Variants in PLCE1 observed in about 807,000 individuals in gnomAD.
PLCE1 encodes 1-phosphatidylinositol 4,5-bisphosphate phosphodiesterase epsilon-1.
A neutral mutation model predicts 242.8 loss-of-function variants in PLCE1; 119 were observed. The ratio of observed to expected loss-of-function variants is 0.49; its 90% CI spans 0.42 to 0.57. The LOEUF is 0.57. PLCE1 is among the 20% of genes least tolerant of loss of function. The pLI is 0.00. For missense variants in PLCE1, 2,441 were observed against 2,788.8 expected (o/e 0.88, Z 2.81); for synonymous variants, 945 against 1,017.4 (o/e 0.93, Z 1.35).
chr10:94,061,079 G>A (rs2044043284), intron 2 of PLCE1, among the ~76,000 whole-genome samples: 1 of 152,130 alleles, frequency 6.6e-6, no homozygotes, highest in African/African-American at 2.4e-5. Flanking sequence ...CTGCCTCCCA[G>A]GGGTTCAGCG....
At chr10:94,214,419 C>T (rs1218673319) in intron 4 of PLCE1, among the ~76,000 whole-genome samples, 2 of 152,180 alleles carry the variant, frequency 1.3e-5, no homozygotes, top group Non-Finnish European at 2.9e-5. Flanking sequence ...TATTCCCTTA[C>T]GAGTTTCATT....
chr10:94,203,741 G>A (rs557928430), intron 4 of PLCE1, among the ~76,000 whole-genome samples: 1 of 152,306 alleles, frequency 6.6e-6, no homozygotes, highest in East Asian at 1.9e-4. Flanking sequence ...CCAACCTTGT[G>A]CATTGATGAT....
Position 94,041,370 on chromosome 10 carries a change from A to G in PLCE1, c.1206+9118A>G, listed in dbSNP as rs1043051808. Among the ~76,000 whole-genome samples, 4 of 152,016 alleles carry G rather than the reference A, an allele frequency of 2.6e-5. No individual in the cohort carries two copies. In the East Asian group the frequency reaches 7.7e-4, roughly 29 times the overall value. On this transcript the variant is annotated intron_variant, in intron 2 of 32. Transcript: ENST00000371380. The stretch of plus-strand genomic sequence containing the variant: ...AGTTCTTTTGTGCAATACCTGTAGG[A>G]CGGAATCAGGATTTTCCATTGAAAT...
At chr10:94,297,682 G>A (rs2052889939) in intron 23 of PLCE1, among the ~76,000 whole-genome samples, 1 of 145,788 alleles carries the variant, frequency 6.9e-6, no homozygotes, top group African/African-American at 2.5e-5. Context: ...AGGTATGCCT[G>A]TATAACCAAA....
intron 2 of PLCE1, among the ~76,000 whole-genome samples, chr10:94,123,488 C>T (rs191798353): frequency 2.0e-5 from 3 of 152,364 alleles, no homozygotes; most frequent in Admixed American, 6.5e-5. Flanking sequence ...ATTCTCTGCA[C>T]AGGCATTTGA....
chr10:94,284,698 GA>G, intron 21 of PLCE1, 149 bp from the exon 22 acceptor site: 1 of 624,874 alleles, frequency 1.6e-6, no homozygotes, highest in South Asian at 2.0e-5. Flanking sequence ...TTTACTCTAG[GA>G]AAGCTGTTGG....
At chr10:94,016,912 G>C (rs1440471731) in intron 1 of PLCE1, among the ~76,000 whole-genome samples, 1 of 152,094 alleles carries the variant, frequency 6.6e-6, no homozygotes, top group Non-Finnish European at 1.5e-5. Context: ...AATCACAACT[G>C]ATATTTGAAA....
At position 94,198,355 on chromosome 10, in the gene PLCE1, A is replaced by G. The variant is rs140706529; in HGVS notation, c.1809+26859A>G. Among the ~76,000 whole-genome samples, 810 of 152,332 alleles carry G rather than the reference A, an allele frequency of 5.3e-3. 5 individuals carry two copies. Among genetic ancestry groups the G allele is most frequent in the Non-Finnish European group, 6.7e-3 (459 of 68,032 alleles). The stretch of plus-strand genomic sequence containing the variant: ...CTCAATTCCTGCTTCTACTTGGCAA[A>G]TATGAATAAGTTGCTTAGTAGGTAA... On this transcript the variant is annotated intron_variant, in intron 4 of 32. Coordinates refer to ENST00000371380, the MANE Select transcript of PLCE1 (RefSeq NM_016341.4).
In PLCE1 at chr10:94,132,410, T is replaced by A; in HGVS notation, c.1443T>A (p.Ser481Arg). ...LEATTSLGAR[S>R]GLLSTFGGST... is the part of the protein sequence containing the mutation. ...CAACCACGTCTTTGGGAGCAAGAAG[T>A]GGCCTTCTCAGTACTTTTGGAGGAT... Residue 481 changes from serine to arginine, a missense_variant, in exon 3 of 33, where the codon AGT becomes AGA. Physicochemically the swap from Ser to Arg is moderately radical, Grantham distance 110. Coordinates refer to ENST00000371380, the MANE Select transcript of PLCE1 (RefSeq NM_016341.4). The A allele has an allele frequency of 1.2e-6, 2 of 1,614,136 alleles. No homozygotes were observed. The highest frequency in any genetic ancestry group is 1.7e-6 in the Non-Finnish European group (2 of 1,180,018).
At chr10:94,114,368 T>C (rs1443148420) in intron 2 of PLCE1, among the ~76,000 whole-genome samples, 2 of 152,154 alleles carry the variant, frequency 1.3e-5, no homozygotes, top group African/African-American at 4.8e-5. Flanking sequence ...GGGAGGGACA[T>C]TGGAGACTGT....
At chr10:94,229,055 G>A (rs888374367) in intron 5 of PLCE1, among the ~76,000 whole-genome samples, 8 of 151,982 alleles carry the variant, frequency 5.3e-5, no homozygotes, top group Non-Finnish European at 8.8e-5. Context: ...GGTGGCAGGC[G>A]CCTGTAATCC....
intron 4 of PLCE1, among the ~76,000 whole-genome samples, chr10:94,223,064 G>A (rs2049809947): frequency 6.6e-6 from 1 of 151,994 alleles, no homozygotes; most frequent in Admixed American, 6.6e-5. Flanking sequence ...TGATGGCATG[G>A]TCTCAGGGCA....
intron 3 of PLCE1, chr10:94,137,721 C>T: frequency 5.9e-6 from 1 of 170,842 alleles, no homozygotes; most frequent in Non-Finnish European, 1.2e-5. Context: ...AGACATCTGC[C>T]ATCTTTCTGA....
chr10:94,111,688 C>T (rs534969694), intron 2 of PLCE1, among the ~76,000 whole-genome samples: 1 of 152,282 alleles, frequency 6.6e-6, no homozygotes, highest in Non-Finnish European at 1.5e-5. Flanking sequence ...GAAGCCAAAC[C>T]AGTTTTCCTA....
chr10:94,250,693 G>A (rs2050845248), intron 8 of PLCE1, among the ~76,000 whole-genome samples: 1 of 152,112 alleles, frequency 6.6e-6, no homozygotes, highest in South Asian at 2.1e-4. Flanking sequence ...ACCCATGTTG[G>A]GATGTTCTGA....
chr10:94,149,621 G>T (rs2047213446), intron 3 of PLCE1, among the ~76,000 whole-genome samples: 1 of 152,146 alleles, frequency 6.6e-6, no homozygotes, highest in Non-Finnish European at 1.5e-5. Flanking sequence ...CTGGGTTCTA[G>T]TTCTGGCTAT....
intron 2 of PLCE1, among the ~76,000 whole-genome samples, chr10:94,051,941 C>T (rs1232238406): frequency 6.6e-6 from 1 of 152,212 alleles, no homozygotes; most frequent in Non-Finnish European, 1.5e-5. Flanking sequence ...TCTCCAATTT[C>T]TCCCACCAAG....
chr10:94,324,693 A>G (rs2053943682), intron 31 of PLCE1, 126 bp downstream of exon 31: 1 of 1,019,084 alleles, frequency 9.8e-7, no homozygotes, highest in African/African-American at 1.6e-5. Flanking sequence ...AGTTAGGAGA[A>G]AATTGTTTGG....
intron 29 of PLCE1, among the ~76,000 whole-genome samples, chr10:94,319,613 T>C (rs867675687): frequency 2.0e-5 from 3 of 152,168 alleles, no homozygotes; most frequent in Admixed American, 6.6e-5. Context: ...ATTGTCACAA[T>C]GAACAGACCA....
Sources: gnomAD v4.1 joint callset for allele counts (sites outside exome capture counted in the v4.1 genomes callset) on GRCh38, gnomAD v4.1.1 for gene constraint, MANE v1.5 for transcripts, NCBI Gene and HGNC (gene_info 2026-07-23, HGNC 2026-07-21) for gene names.